CHD5: variants seen among roughly 807,000 people sequenced by gnomAD.
The protein encoded by CHD5 is ATP-dependent chromatin remodeler CHD5.
A neutral mutation model predicts 230.3 loss-of-function variants in CHD5; 69 were observed. The observed-to-expected ratio is 0.30, with a 90% CI of 0.25 to 0.37. The LOEUF is 0.37. Ranked by LOEUF, CHD5 falls within the 10% of genes least tolerant of loss-of-function variation. The probability of loss-of-function intolerance (pLI) is 1.00; values close to 1 mark genes in which losing one functional copy is unlikely to be tolerated. For missense variants in CHD5, 1,827 were observed against 2,622.8 expected, an observed-to-expected ratio of 0.70 and a Z score of 6.63; for synonymous variants, 1,064 against 1,065.9, an observed-to-expected ratio of 1.00 and a Z score of 0.03.
intron 11 of CHD5, among the ~76,000 whole-genome samples, chr1:6,145,820 A>G (rs1160265171): frequency 6.6e-6 from 1 of 152,176 alleles, no homozygotes; most frequent in East Asian, 1.9e-4. Context: ...CCTCCCTCCC[A>G]GGGTAGGCAG....
chr1:6,110,603 G>A, intron 36 of CHD5, 77 bp from the exon 37 acceptor site: 1 of 1,457,938 alleles, frequency 6.9e-7, no homozygotes, highest in South Asian at 1.2e-5. Context: ...TCAGGGAGGG[G>A]GAGGGGCCAG....
At chr1:6,143,530 C>T (rs963273805) in intron 13 of CHD5, among the ~76,000 whole-genome samples, 3 of 152,210 alleles carry the variant, frequency 2.0e-5, no homozygotes, top group Admixed American at 1.3e-4. Flanking sequence ...CACTGGCCCT[C>T]GTCTCCTCAG....
At chr1:6,117,532 T>C (rs1295918517) in intron 33 of CHD5, among the ~76,000 whole-genome samples, 1 of 152,170 alleles carries the variant, frequency 6.6e-6, no homozygotes, top group Non-Finnish European at 1.5e-5. Flanking sequence ...GACAACATAG[T>C]AAGGCCCTGT....
chr1:6,112,995 T>C lies in CHD5; in HGVS notation c.4916A>G (p.Glu1639Gly). Reference sequence around the variant, plus strand: ...GATCTTCTCCTTCTCAGGAAGCACCTCCTCTGCAAGAAAAAGAGGGTTCGC... The same window carrying C: ...GATCTTCTCCTTCTCAGGAAGCACCCCCTCTGCAAGAAAAAGAGGGTTCGC... Reference protein sequence around the residue: ...PPSPEQLPREEVLPEKEKILD... With the variant: ...PPSPEQLPREGVLPEKEKILD... Residue 1639 changes from glutamate to glycine, a missense_variant, in exon 34 of 42, where the codon GAG becomes GGG. Glu to Gly is a moderately conservative substitution (Grantham distance 98, BLOSUM62 -2). Coordinates refer to ENST00000262450, the MANE Select transcript of CHD5 (RefSeq NM_015557.3). The C allele has an allele frequency of 6.2e-7, 1 of 1,612,026 alleles. No homozygotes were observed. The highest frequency in any genetic ancestry group is 8.5e-7 in the Non-Finnish European group (1 of 1,178,326).
At position 6,128,392 on chromosome 1, in the gene CHD5, T is replaced by C; in HGVS notation, c.3730+107A>G. 8.8e-7 allele frequency: 1 copy of C among 1,138,328 alleles called. No homozygotes were observed. Among genetic ancestry groups the C allele is most frequent in the Non-Finnish European group, 1.3e-6 (1 of 777,844 alleles). The allele number at this position is 1,138,328 out of a possible 1,614,324, so 70.5% of individuals were successfully genotyped here. On this transcript the variant is annotated intron_variant, in intron 24 of 41. Transcript: ENST00000262450. The surrounding 1 kb of genome is among the most constrained non-coding windows in gnomAD (Gnocchi z 7.8). ...GTAACAGCCCCACTCGCCGCCCACC[T>C]GGCAGTCCCAGGACGCCCAAGTGAG...
In CHD5 at chr1:6,155,336, G is replaced by C. The variant is rs755094794; in HGVS notation, c.506+263C>G. Among the ~76,000 whole-genome samples, 38 of 152,134 alleles carry C rather than the reference G, an allele frequency of 2.5e-4. No individual in the cohort carries two copies. The highest frequency in any genetic ancestry group is 2.4e-3 in the Admixed American group (36 of 15,286). On this transcript the variant is annotated intron_variant, in intron 4 of 41. Transcript: ENST00000262450. This position sits in a 1 kb window ranked among gnomAD's most constrained non-coding sequence, Gnocchi z 4.0. ...GAGCTGAGAGGCCATGGTGGTGAAA[G>C]ACCCCCCAGGAAAGACTGGAACCAC...
In CHD5 at chr1:6,164,506, C is replaced by T. The variant is rs148027908; in HGVS notation, c.207+3644G>A. ...GTTATTTTATGTAAATCAGAATCCA[C>T]GACTTGCTGCCGGCCTCCCCCCACT... On this transcript the variant is annotated intron_variant, in intron 2 of 41. Transcript: ENST00000262450. Among the ~76,000 whole-genome samples the T allele has an allele frequency of 5.9e-3, 895 of 152,310 alleles. 9 individuals are homozygous for T. Among genetic ancestry groups the T allele is most frequent in the African/African-American group, 0.02 (830 of 41,566 alleles).
intron 1 of CHD5, among the ~76,000 whole-genome samples, chr1:6,171,875 A>T (rs555107584): frequency 2.6e-5 from 4 of 151,986 alleles, no homozygotes; most frequent in Non-Finnish European, 2.9e-5. Context: ...CTGCCCCACC[A>T]CCCTCCTGGC....
chr1:6,152,472 CT>C lies in CHD5; in HGVS notation c.809del (p.Lys270ArgfsTer196). 1.2e-6 allele frequency: 2 copies of C among 1,614,198 alleles called. No individual in the cohort carries two copies. The highest frequency in any genetic ancestry group is 1.7e-6 in the Non-Finnish European group (2 of 1,180,028). On this transcript the variant is annotated frameshift_variant, in exon 6 of 42. Coordinates refer to ENST00000262450, the MANE Select transcript of CHD5 (RefSeq NM_015557.3). LOFTEE classifies it high-confidence loss of function. ...CGAAGCGGAACTTGAGCCCGGCCGT[CT>C]TTTTCCCTTTGCCCTTTTTCTTCCC... ...KDGKKKGKGK[K>X]TAGLKFRFGG...
intron 29 of CHD5, 149 bp downstream of exon 29, chr1:6,124,951 T>C (rs946730775): frequency 2.3e-6 from 2 of 859,948 alleles, no homozygotes; most frequent in African/African-American, 1.7e-5. Context: ...ACCAGGACTC[T>C]AGCCACCCAA....
chr1:6,168,888 G>A (rs944306083), intron 1 of CHD5, among the ~76,000 whole-genome samples: 16 of 152,080 alleles, frequency 1.1e-4, no homozygotes, highest in Non-Finnish European at 2.2e-4. Context: ...GCGTGGTGGT[G>A]GGCGCCTGTA....
At chr1:6,136,088 C>G (rs543576850) in intron 17 of CHD5, among the ~76,000 whole-genome samples, 8 of 152,058 alleles carry the variant, frequency 5.3e-5, no homozygotes, top group Non-Finnish European at 8.8e-5. Flanking sequence ...CTGAACCCCC[C>G]ATTCTGAGCA....
Position 6,110,331 on chromosome 1 carries a change from C to A in CHD5, c.5382+63G>T, listed in dbSNP as rs745696084. 152 of 1,592,496 alleles carry A rather than the reference C, an allele frequency of 9.5e-5. 1 individual carries two copies. Among genetic ancestry groups the A allele is most frequent in the Non-Finnish European group, 1.3e-4 (149 of 1,166,628 alleles). On this transcript the variant is annotated intron_variant, in intron 37 of 41. Coordinates refer to ENST00000262450, the MANE Select transcript of CHD5 (RefSeq NM_015557.3). Reference sequence around the variant, plus strand: ...CTGCTCTCTAATTCCTTTGCCTTTGCGAGGGTCCTCCTGACACCGTCCCTC... The same window carrying A: ...CTGCTCTCTAATTCCTTTGCCTTTGAGAGGGTCCTCCTGACACCGTCCCTC...
Position 6,126,248 on chromosome 1 carries a change from C to T in CHD5, c.4078+324G>A, listed in dbSNP as rs1287204577. Among the ~76,000 whole-genome samples the T allele has an allele frequency of 1.3e-5, 2 of 152,202 alleles. No homozygotes were observed. The highest frequency in any genetic ancestry group is 2.4e-5 in the African/African-American group (1 of 41,452). ...CGCCGCCCAGCGTTCCTGGCCCCCA[C>T]CTCCCGGGGGGGTCCTGCACAGGGA... On this transcript the variant is annotated intron_variant, in intron 26 of 41. Transcript: ENST00000262450. This position sits in a 1 kb window ranked among gnomAD's most constrained non-coding sequence, Gnocchi z 5.7.
chr1:6,128,539 C>T lies in CHD5; in HGVS notation c.3690G>A (p.Leu1230=), dbSNP rs746915140. 4 of 1,614,168 alleles carry T rather than the reference C, an allele frequency of 2.5e-6. No individual in the cohort carries two copies. The highest frequency in any genetic ancestry group is 2.2e-5 in the East Asian group (1 of 44,888). The change falls in exon 24 of 42, where the codon TTG becomes TTA. Residue 1230 remains leucine, a synonymous_variant. Coordinates refer to ENST00000262450, the MANE Select transcript of CHD5 (RefSeq NM_015557.3). This position sits in a 1 kb window ranked among gnomAD's most constrained non-coding sequence, Gnocchi z 7.8. ...CGTGCTTCTTCTTTGCACTGGCGGC[C>T]AAGTTCCCCCCTTTGGAGGACTGGA... ...PDVQSSKGGN[L]AASAKKKHGS...
At position 6,104,848 on chromosome 1, in the gene CHD5, G is replaced by T. The variant is rs1342354595; in HGVS notation, c.*626C>A. On this transcript the variant is annotated 3_prime_UTR_variant, in exon 42 of 42. Coordinates refer to ENST00000262450, the MANE Select transcript of CHD5 (RefSeq NM_015557.3). ...AATGTCAGCCAGGGTCTCACCATAGGGCTGGACAGCGGCTCCCCAAACCTG... is the reference window on the plus strand; with the variant it reads ...AATGTCAGCCAGGGTCTCACCATAGTGCTGGACAGCGGCTCCCCAAACCTG... The T allele has an allele frequency of 6.5e-6, 1 of 154,928 alleles. No homozygotes were observed. Among genetic ancestry groups the T allele is most frequent in the East Asian group, 1.9e-4 (1 of 5,230 alleles). 9.6% of individuals were successfully genotyped at this position (154,928 alleles called of 1,614,324 possible). A position where few individuals can be genotyped will look rare whatever the true frequency, so the allele number is the denominator to read the frequency against.
At chr1:6,119,750 C>T (rs1371701347) in intron 33 of CHD5, among the ~76,000 whole-genome samples, 2 of 149,356 alleles carry the variant, frequency 1.3e-5, no homozygotes, top group Non-Finnish European at 3.0e-5. Context: ...TACATATGTA[C>T]GTACATACGT....
intron 7 of CHD5, among the ~76,000 whole-genome samples, chr1:6,150,125 T>A (rs539419650): frequency 2.0e-5 from 3 of 150,234 alleles, no homozygotes; most frequent in Non-Finnish European, 4.4e-5. Context: ...GATAGATGAA[T>A]GAACAAATGG....
In CHD5 at chr1:6,152,888, C is replaced by T. The variant is rs572031358; in HGVS notation, c.746-352G>A. Among the ~76,000 whole-genome samples, 8 of 152,332 alleles carry T rather than the reference C, an allele frequency of 5.3e-5. No homozygotes were observed. The South Asian group carries it at 1.7e-3, about 32-fold the overall frequency. On this transcript the variant is annotated intron_variant, in intron 5 of 41. Transcript: ENST00000262450. Reference sequence around the variant, plus strand: ...ACAGCCAGCAGGGCCACTGAAGGCACAGCCGCCCACCTGTGGTCCATGCCT... The same window carrying T: ...ACAGCCAGCAGGGCCACTGAAGGCATAGCCGCCCACCTGTGGTCCATGCCT...
Sources: gnomAD v4.1 joint callset for allele counts (sites outside exome capture counted in the v4.1 genomes callset) on GRCh38, gnomAD v4.1.1 for gene constraint, Gnocchi (gnomAD v3.1) non-coding constraint, MANE v1.5 for transcripts, NCBI Gene and HGNC (gene_info 2026-07-23, HGNC 2026-07-21) for gene names.